The following SEC14L2 variants were observed in gnomAD, a reference collection of about 807,000 sequenced individuals.
SEC14L2 encodes the protein SEC14-like protein 2.
A neutral mutation model predicts 56.9 loss-of-function variants in SEC14L2; 50 were observed. The ratio of observed to expected loss-of-function variants is 0.88; its 90% CI spans 0.70 to 1.11. The LOEUF (loss-of-function observed/expected upper bound fraction) is 1.11. Among genes scored for constraint, SEC14L2 ranks in the 50% most tolerant of loss-of-function variants. SEC14L2 has a pLI of 0.00. For missense variants in SEC14L2, 414 were observed against 500.7 expected (o/e 0.83, Z 1.65); for synonymous variants, 179 against 188.5 (o/e 0.95, Z 0.41).
At chr22:30,405,073 A>C (rs892974947) in intron 2 of SEC14L2, among the ~76,000 whole-genome samples, 2 of 151,954 alleles carry the variant, frequency 1.3e-5, no homozygotes, top group African/African-American at 4.8e-5. Flanking sequence ...TGTCTCAAAA[A>C]AAAAAAGAAA....
chr22:30,412,219 T>C (rs1201853410), intron 8 of SEC14L2, among the ~76,000 whole-genome samples: 1 of 152,108 alleles, frequency 6.6e-6, no homozygotes, highest in Non-Finnish European at 1.5e-5. Flanking sequence ...ACTAGCAAGA[T>C]TGCGAAGGCT....
chr22:30,410,689 C>A lies in SEC14L2; in HGVS notation c.664+10C>A, dbSNP rs1433688756. 5.6e-6 allele frequency: 9 copies of A among 1,612,184 alleles called. No individual in the cohort carries two copies. Among genetic ancestry groups the A allele is most frequent in the Non-Finnish European group, 7.6e-6 (9 of 1,178,204 alleles). On this transcript the variant is annotated intron_variant, in intron 8 of 11. Transcript: ENST00000615189. ...ATCATGGTCCTGGGAGGTAAGTGGT[C>A]CAGACTGTTCTCAACTCCAAAGGAG...
chr22:30,415,418 G>T (rs917703299), intron 8 of SEC14L2, among the ~76,000 whole-genome samples: 4 of 152,176 alleles, frequency 2.6e-5, no homozygotes, highest in African/African-American at 9.6e-5. Context: ...AGGCAACAGG[G>T]TGAGACTCTG....
Position 30,415,998 on chromosome 22 carries a change from GAAACAGCAGTATGAAC to G in SEC14L2, c.824_839del (p.Lys275ThrfsTer41). ...GGAAGTATTATGTGCGAGACCAGGT[GAAACAGCAGTATGAAC>G]ACAGCGTGCAGATTTCCCGTGGCTC... is the stretch of plus-strand genomic sequence containing the variant. On this transcript the variant is annotated frameshift_variant, in exon 10 of 12. Coordinates refer to ENST00000615189, the MANE Select transcript of SEC14L2 (RefSeq NM_012429.5). LOFTEE classifies it high-confidence loss of function. 1 of 1,614,254 alleles carries G rather than the reference GAAACAGCAGTATGAAC, an allele frequency of 6.2e-7. No homozygotes were observed. Among genetic ancestry groups the G allele is most frequent in the Non-Finnish European group, 8.5e-7 (1 of 1,180,050 alleles).
chr22:30,409,121 C>T, intron 5 of SEC14L2, 66 bp from the exon 6 acceptor site: 1 of 1,392,802 alleles, frequency 7.2e-7, no homozygotes, highest in Non-Finnish European at 1.0e-6. Flanking sequence ...ATCATTTGGC[C>T]TGGACTGGAA....
intron 5 of SEC14L2, among the ~76,000 whole-genome samples, chr22:30,408,183 C>G (rs1057271446): frequency 4.6e-5 from 7 of 151,424 alleles, no homozygotes; most frequent in Admixed American, 1.3e-4. Flanking sequence ...TGTTATTTTT[C>G]TGATTTATAT....
At chr22:30,421,961 A>G (rs1934530871) in intron 11 of SEC14L2, among the ~76,000 whole-genome samples, 1 of 152,154 alleles carries the variant, frequency 6.6e-6, no homozygotes, top group African/African-American at 2.4e-5. Context: ...GTCCAGTTCA[A>G]GCTCTAACTC....
At chr22:30,404,792 G>A (rs1934045742) in intron 2 of SEC14L2, among the ~76,000 whole-genome samples, 1 of 152,150 alleles carries the variant, frequency 6.6e-6, no homozygotes, top group Non-Finnish European at 1.5e-5. Flanking sequence ...TTCTTAGGCT[G>A]GGCACAATGT....
chr22:30,418,799 G>C (rs1486222559), intron 11 of SEC14L2, among the ~76,000 whole-genome samples: 1 of 152,172 alleles, frequency 6.6e-6, no homozygotes, highest in Non-Finnish European at 1.5e-5. Flanking sequence ...ATCTGCGGGA[G>C]GGCAATGCCC....
At chr22:30,408,060 A>G (rs939716675) in intron 5 of SEC14L2, among the ~76,000 whole-genome samples, 1 of 151,956 alleles carries the variant, frequency 6.6e-6, no homozygotes, top group South Asian at 2.1e-4. Flanking sequence ...CAGTGAGCCA[A>G]GATCGTGCCA....
chr22:30,419,756 T>G (rs1019821718), intron 11 of SEC14L2, among the ~76,000 whole-genome samples: 1 of 152,084 alleles, frequency 6.6e-6, no homozygotes, highest in African/African-American at 2.4e-5. Context: ...TACCTACACA[T>G]GTAATTTAAA....
chr22:30,399,775 T>C (rs944959262), intron 2 of SEC14L2, 57 bp downstream of exon 2: 2 of 1,477,524 alleles, frequency 1.4e-6, no homozygotes, highest in Non-Finnish European at 1.9e-6. Flanking sequence ...GGCAACAGAA[T>C]AGCACCCTCT....
chr22:30,409,445 A>C lies in SEC14L2; in HGVS notation c.539A>C (p.Glu180Ala), dbSNP rs1285034878. The C allele has an allele frequency of 6.2e-7, 1 of 1,614,180 alleles. No individual in the cohort carries two copies. Among genetic ancestry groups the C allele is most frequent in the Non-Finnish European group, 8.5e-7 (1 of 1,180,014 alleles). ...CCACAGTTTCTCTGCATGTTTGAGG[A>C]AAATTATCCCGAAACACTGAAGCGT... ...AYGEFLCMFE[E>A]NYPETLKRLF... is the part of the protein sequence containing the mutation. The change falls in exon 7 of 12, where the codon GAA (glutamate) becomes GCA (alanine). Residue 180 changes from glutamate to alanine, a missense_variant. By Grantham distance (107) the Glu-to-Ala change is moderately radical. Transcript: ENST00000615189.
At chr22:30,415,297 G>C (rs1264894395) in intron 8 of SEC14L2, among the ~76,000 whole-genome samples, 1 of 152,128 alleles carries the variant, frequency 6.6e-6, no homozygotes, top group African/African-American at 2.4e-5. Flanking sequence ...GCTGGGTGTG[G>C]TGTCGGGCGC....
At chr22:30,397,260 C>T (rs1933780788) in intron 1 of SEC14L2, 90 bp downstream of exon 1, 6 of 1,200,816 alleles carry the variant, frequency 5.0e-6, no homozygotes, top group South Asian at 1.6e-5. Context: ...GGGTGGGGGC[C>T]GAGGGTCCGT....
At chr22:30,408,873 G>A (rs2267154) in intron 5 of SEC14L2, 91,524 of 427,444 alleles carry the variant, frequency 0.21, 11,251 homozygotes, top group South Asian at 0.38. Flanking sequence ...TACGGGTACC[G>A]TGCACAGAGC....
intron 11 of SEC14L2, chr22:30,421,427 G>A (rs1277805167): frequency 6.6e-6 from 1 of 152,194 alleles, no homozygotes; most frequent in African/African-American, 2.4e-5. Flanking sequence ...TTTGGCCTCA[G>A]GACACATTGT....
intron 1 of SEC14L2, 50 bp from the exon 2 acceptor site, chr22:30,399,593 G>C (rs1936540116): frequency 7.1e-7 from 1 of 1,404,000 alleles, no homozygotes; most frequent in African/African-American, 1.4e-5. Flanking sequence ...TAGGCAGAGG[G>C]CAGCAGTCAG....
rs1246530235 is a variant in SEC14L2, at chr22:30,424,715, A to T, written c.*2308A>T. On this transcript the variant is annotated 3_prime_UTR_variant, in exon 12 of 12. Coordinates refer to ENST00000615189, the MANE Select transcript of SEC14L2 (RefSeq NM_012429.5). ...GAGGCTAACAGCCAGTAGGCGGCAC[A>T]GCTAGGATTTGAACCCAGGATTGTC... 1 of 456,570 alleles carries T rather than the reference A, an allele frequency of 2.2e-6. No individual in the cohort carries two copies. Among genetic ancestry groups the T allele is most frequent in the Non-Finnish European group, 4.4e-6 (1 of 226,982 alleles). 28.3% of individuals were successfully genotyped at this position (456,570 alleles called of 1,614,324 possible).
Sources: allele counts gnomAD v4.1 joint callset (sites outside exome capture counted in the v4.1 genomes callset), GRCh38; gene constraint gnomAD v4.1.1; transcripts MANE v1.5; gene names NCBI Gene and HGNC (gene_info 2026-07-23, HGNC 2026-07-21).